The following CACNA2D1 variants were observed in gnomAD, a reference collection of about 807,000 sequenced individuals.
The protein encoded by CACNA2D1 is voltage-dependent calcium channel subunit alpha-2/delta-1.
A neutral mutation model predicts 171.5 loss-of-function variants in CACNA2D1; 53 were observed. The observed-to-expected ratio is 0.31, with a 90% CI of 0.25 to 0.39. The LOEUF (loss-of-function observed/expected upper bound fraction) is 0.39. CACNA2D1 is among the 10% of genes least tolerant of loss of function. CACNA2D1 has a pLI of 1.00. For synonymous variants in CACNA2D1, 442 were observed against 443.1 expected, an observed-to-expected ratio of 1.00 and a Z score of 0.03; for missense variants, 903 against 1,299.8, an observed-to-expected ratio of 0.69 and a Z score of 4.69.
intron 7 of CACNA2D1, among the ~76,000 whole-genome samples, chr7:82,070,758 A>T (rs938388606): frequency 6.6e-6 from 1 of 152,170 alleles, no homozygotes; most frequent in Non-Finnish European, 1.5e-5. Flanking sequence ...TTAAAAGAAA[A>T]TTTCCCAATG....
At chr7:82,411,177 A>C (rs1054028131) in intron 1 of CACNA2D1, among the ~76,000 whole-genome samples, 4 of 152,228 alleles carry the variant, frequency 2.6e-5, no homozygotes, top group Non-Finnish European at 5.9e-5. Context: ...AAGTAAGGCC[A>C]TATTTATTAT....
rs1407576357 is a variant in CACNA2D1, at chr7:81,970,923, T to C, written c.2142-186A>G. 5 of 573,058 alleles carry C rather than the reference T, an allele frequency of 8.7e-6. No homozygotes were observed. The East Asian group carries it at 1.2e-4, about 14-fold the overall frequency. The allele number at this position is 573,058 out of a possible 1,614,324, so 35.5% of individuals were successfully genotyped here. A position where few individuals can be genotyped will look rare whatever the true frequency, so the allele number is the denominator to read the frequency against. ...ACTTGAAGGATGTTTAAGGAAGACATCTCATAGGAAATAATGACTGAGGTG... is the reference window on the plus strand; with the variant it reads ...ACTTGAAGGATGTTTAAGGAAGACACCTCATAGGAAATAATGACTGAGGTG... On this transcript the variant is annotated intron_variant, in intron 26 of 38. Transcript: ENST00000356860.
At chr7:82,050,085 T>G (rs1805017862) in intron 10 of CACNA2D1, among the ~76,000 whole-genome samples, 2 of 152,160 alleles carry the variant, frequency 1.3e-5, no homozygotes, top group Non-Finnish European at 2.9e-5. Context: ...TGTCCTTGTC[T>G]AGGAATACAT....
chr7:82,295,619 G>A (rs943675116), intron 3 of CACNA2D1, among the ~76,000 whole-genome samples: 2 of 151,598 alleles, frequency 1.3e-5, no homozygotes, highest in African/African-American at 4.9e-5. Flanking sequence ...GCCTCCCAAA[G>A]TGTTGAGATT....
At chr7:82,097,697 A>C (rs780892520) in intron 6 of CACNA2D1, among the ~76,000 whole-genome samples, 53 of 152,330 alleles carry the variant, frequency 3.5e-4, no homozygotes, top group African/African-American at 9.4e-4. Context: ...TCTGCATCTT[A>C]GCCATGAAGT....
chr7:82,172,616 C>CTTTTTTTT (rs55737158), intron 3 of CACNA2D1, among the ~76,000 whole-genome samples: 2 of 64,512 alleles, frequency 3.1e-5, no homozygotes, highest in African/African-American at 7.5e-5. Context: ...AGAAACCCGG[C>CTTTTTTTT]TTTTTTTTTT....
At chr7:82,386,617 C>A (rs1406907324) in intron 1 of CACNA2D1, among the ~76,000 whole-genome samples, 8 of 152,088 alleles carry the variant, frequency 5.3e-5, no homozygotes, top group Admixed American at 6.6e-5. Flanking sequence ...CCTGCAGTCC[C>A]AGCTACTCGC....
intron 3 of CACNA2D1, among the ~76,000 whole-genome samples, chr7:82,287,724 G>A (rs1040571108): frequency 2.2e-4 from 34 of 152,122 alleles, no homozygotes; most frequent in Non-Finnish European, 2.5e-4. Context: ...TTTTAAAAAT[G>A]ATGCAGACAA....
rs146816713 is a variant in CACNA2D1, at chr7:82,065,017, G to A, written c.729-663C>T. The stretch of plus-strand genomic sequence containing the variant: ...AGTGGTTGTGGAGAGAGATCATCTT[G>A]ATTGTGTATGACTGACCCAAAAGCT... On this transcript the variant is annotated intron_variant, in intron 8 of 38. Transcript: ENST00000356860. Among the ~76,000 whole-genome samples the A allele has an allele frequency of 2.7e-3, 415 of 152,224 alleles. 2 individuals carry two copies. Among genetic ancestry groups the A allele is most frequent in the African/African-American group, 9.6e-3 (400 of 41,556 alleles).
intron 12 of CACNA2D1, among the ~76,000 whole-genome samples, chr7:82,017,766 T>C (rs865971670): frequency 6.6e-6 from 1 of 152,276 alleles, no homozygotes. Context: ...TAAGCACATT[T>C]GCATGATCTT....
intron 3 of CACNA2D1, among the ~76,000 whole-genome samples, chr7:82,315,517 T>A (rs1155967): frequency 0.72 from 109,553 of 151,962 alleles, 40,181 homozygotes; most frequent in African/African-American, 0.85. Flanking sequence ...GACAGAAATT[T>A]TCATATTGCA....
intron 1 of CACNA2D1, among the ~76,000 whole-genome samples, chr7:82,416,673 C>T (rs955141079): frequency 3.1e-4 from 47 of 152,274 alleles, no homozygotes; most frequent in African/African-American, 8.7e-4. Flanking sequence ...TAAGGACATG[C>T]ATCATATTGA....
At chr7:82,133,859 T>C (rs959247019) in intron 5 of CACNA2D1, among the ~76,000 whole-genome samples, 1 of 151,780 alleles carries the variant, frequency 6.6e-6, no homozygotes, top group Non-Finnish European at 1.5e-5. Context: ...GATCAGGAGG[T>C]CAGGAGATCG....
intron 3 of CACNA2D1, among the ~76,000 whole-genome samples, chr7:82,331,041 G>A (rs542485770): frequency 8.5e-5 from 13 of 152,110 alleles, no homozygotes; most frequent in Non-Finnish European, 1.5e-4. Flanking sequence ...CAAGAGCCAC[G>A]GGTGATCTGC....
intron 3 of CACNA2D1, among the ~76,000 whole-genome samples, chr7:82,213,727 C>T (rs1191785502): frequency 6.6e-6 from 1 of 152,122 alleles, no homozygotes; most frequent in Admixed American, 6.5e-5. Flanking sequence ...TCTGCTGGCA[C>T]CTGGCTGACT....
intron 1 of CACNA2D1, among the ~76,000 whole-genome samples, chr7:82,382,706 G>A (rs2129449552): frequency 6.6e-6 from 1 of 152,320 alleles, no homozygotes; most frequent in Admixed American, 6.5e-5. Context: ...TGCGCTTTGT[G>A]AAACGGTAAA....
intron 5 of CACNA2D1, among the ~76,000 whole-genome samples, chr7:82,133,699 A>G (rs549765406): frequency 5.9e-4 from 90 of 152,344 alleles, no homozygotes; most frequent in Non-Finnish European, 7.1e-4. Context: ...GAATTGTGTT[A>G]TATCAGCTCA....
chr7:82,192,327 A>G (rs1798379350), intron 3 of CACNA2D1, among the ~76,000 whole-genome samples: 1 of 151,636 alleles, frequency 6.6e-6, no homozygotes, highest in Non-Finnish European at 1.5e-5. Context: ...AGGTATTACT[A>G]TCACCATACT....
intron 4 of CACNA2D1, among the ~76,000 whole-genome samples, chr7:82,152,339 G>A (rs1793952243): frequency 8.1e-6 from 1 of 123,278 alleles, no homozygotes; most frequent in Admixed American, 1.1e-4. Context: ...AAAACCTTAA[G>A]AAAAGGTTAA....
Sources: allele counts gnomAD v4.1 joint callset (sites outside exome capture counted in the v4.1 genomes callset), GRCh38; gene constraint gnomAD v4.1.1; transcripts MANE v1.5; gene names NCBI Gene and HGNC (gene_info 2026-07-23, HGNC 2026-07-21).